USP42: variants seen among roughly 807,000 people sequenced by gnomAD.
USP42 encodes the protein ubiquitin carboxyl-terminal hydrolase 42.
A neutral mutation model predicts 113.0 loss-of-function variants in USP42; 23 were observed. That is an observed-to-expected ratio of 0.20 (90% confidence interval 0.15 to 0.29). The LOEUF is 0.29. Among genes scored for constraint, USP42 ranks in the 10% least tolerant of loss-of-function variants. The pLI, the probability that USP42 is intolerant of heterozygous loss-of-function variation, is 1.00. For missense variants in USP42, 2,174 were observed against 1,779.8 expected (o/e 1.22, Z -3.99); for synonymous variants, 933 against 699.0 (o/e 1.33, Z -5.28).
Position 6,154,935 on chromosome 7 carries a change from G to A in USP42, c.3381G>A (p.Pro1127=), listed in dbSNP as rs1263106653. ...PRAGAPHALA[P]HPDRFSHDRT... ...CAGGCGCGCCCCACGCCCTCGCCCC[G>A]CACCCCGACCGCTTCTCCCACGACA... is the stretch of plus-strand genomic sequence containing the variant. The change falls in exon 15 of 18, where the codon CCG becomes CCA. Residue 1127 remains proline, a synonymous_variant. Transcript: ENST00000306177. The A allele has an allele frequency of 2.6e-6, 4 of 1,551,606 alleles. No individual in the cohort carries two copies. Among genetic ancestry groups the A allele is most frequent in the East Asian group, 4.9e-5 (2 of 40,990 alleles).
Position 6,153,914 on chromosome 7 carries a change from A to C in USP42, c.2360A>C (p.Lys787Thr). The part of the protein sequence containing the change: ...PPRDPGTPAT[K>T]EGAWEAMAVA... ...CGCGATCCCGGCACCCCCGCTACCAAAGAAGGCGCCTGGGAGGCCATGGCC... is the reference window on the plus strand; with the variant it reads ...CGCGATCCCGGCACCCCCGCTACCACAGAAGGCGCCTGGGAGGCCATGGCC... Residue 787 changes from lysine to threonine, a missense_variant, in exon 15 of 18, where the codon AAA becomes ACA. Transcript: ENST00000306177. 1 of 1,600,282 alleles carries C rather than the reference A, an allele frequency of 6.2e-7. No homozygotes were observed. Among genetic ancestry groups the C allele is most frequent in the South Asian group, 1.1e-5 (1 of 90,092 alleles).
intron 3 of USP42, chr7:6,128,253 C>T (rs1386355263): frequency 6.7e-6 from 1 of 149,024 alleles, no homozygotes; most frequent in Non-Finnish European, 1.5e-5. Context: ...GTGCCTGGCC[C>T]TGCTTTTTTT....
Position 6,144,091 on chromosome 7 carries a change from A to G in USP42, c.885A>G (p.Lys295=). ...TGTTTCTGTTTGTTTCAAGGTGTAA[A>G]AAGATGGTTCCAGCTTCAAAGAGGT... ...GENSYKCSKC[K]KMVPASKRFT... Residue 295 remains lysine, a synonymous_variant, in exon 9 of 18, where the codon AAA becomes AAG. Transcript: ENST00000306177. 1 of 1,562,090 alleles carries G rather than the reference A, an allele frequency of 6.4e-7. No individual in the cohort carries two copies. Among genetic ancestry groups the G allele is most frequent in the Non-Finnish European group, 8.6e-7 (1 of 1,161,800 alleles).
At position 6,144,247 on chromosome 7, in the gene USP42, T is replaced by G. The variant is rs957710347; in HGVS notation, c.990+51T>G. On this transcript the variant is annotated intron_variant, in intron 9 of 17. Coordinates refer to ENST00000306177, the MANE Select transcript of USP42 (RefSeq NM_032172.3). ...GTTTTATGTCGAGCCTTTCGAAGCTTAACGTGTCTGTAGCTATTAAGGATT... is the reference window on the plus strand; with the variant it reads ...GTTTTATGTCGAGCCTTTCGAAGCTGAACGTGTCTGTAGCTATTAAGGATT... 3.2e-6 allele frequency: 4 copies of G among 1,255,008 alleles called. No homozygotes were observed. In the Admixed American group the frequency reaches 9.5e-5, roughly 30 times the overall value. The allele number at this position is 1,255,008 out of a possible 1,614,324, so 77.7% of individuals were successfully genotyped here.
intron 3 of USP42, among the ~76,000 whole-genome samples, chr7:6,126,444 C>T (rs1051467244): frequency 6.6e-6 from 1 of 152,188 alleles, no homozygotes; most frequent in Admixed American, 6.5e-5. Context: ...ACCACCACGC[C>T]TGGCTAATTT....
chr7:6,156,627 T>G, intron 15 of USP42, 127 bp from the exon 16 acceptor site: 3 of 1,370,216 alleles, frequency 2.2e-6, no homozygotes, highest in Non-Finnish European at 2.8e-6. Context: ...CGTGGCTAAT[T>G]AGATAAGAAT....
chr7:6,106,237 A>C (rs569105015), intron 1 of USP42, among the ~76,000 whole-genome samples: 1 of 152,326 alleles, frequency 6.6e-6, no homozygotes, highest in South Asian at 2.1e-4. Context: ...AATTAAGACG[A>C]AGGTTTTGTC....
chr7:6,118,902 G>C (rs1562810410), intron 3 of USP42, among the ~76,000 whole-genome samples: 1 of 152,042 alleles, frequency 6.6e-6, no homozygotes, highest in Admixed American at 6.6e-5. Flanking sequence ...GTAACACAAT[G>C]TTTTGATTAC....
chr7:6,110,901 A>C (rs572542304), intron 1 of USP42, among the ~76,000 whole-genome samples: 1 of 152,206 alleles, frequency 6.6e-6, no homozygotes. Context: ...TACTTCACTG[A>C]AGATTTTAAA....
chr7:6,141,201 C>CTTTTTT (rs903124477), intron 7 of USP42, among the ~76,000 whole-genome samples: 242 of 123,912 alleles, frequency 2.0e-3, no homozygotes, highest in East Asian at 3.7e-3. Context: ...TTTTTCTTTT[C>CTTTTTT]TTTTTTTTTT....
intron 6 of USP42, 78 bp downstream of exon 6, chr7:6,140,273 C>T: frequency 7.5e-7 from 1 of 1,339,578 alleles, no homozygotes. Flanking sequence ...AGGGTTAGTC[C>T]TACTAGGAAG....
At chr7:6,088,581 C>G in the USP42 span, among the ~76,000 whole-genome samples, 1 of 151,184 alleles carries the variant, frequency 6.6e-6, no homozygotes, top group East Asian at 1.9e-4. Context: ...CTCTTATTGA[C>G]AATCCTTCTT....
At chr7:6,093,188 T>C in the USP42 span, 3 of 126,758 alleles carry the variant, frequency 2.4e-5, no homozygotes, top group South Asian at 8.4e-4. Context: ...CCTCTCTCCC[T>C]TCCTTCCTTC....
intron 1 of USP42, among the ~76,000 whole-genome samples, chr7:6,106,240 G>C (rs187571959): frequency 1.3e-5 from 2 of 152,162 alleles, no homozygotes; most frequent in Non-Finnish European, 2.9e-5. Flanking sequence ...TAAGACGAAG[G>C]TTTTGTCTTT....
chr7:6,092,017 CTTCT>C, the USP42 span, among the ~76,000 whole-genome samples: 4 of 104,636 alleles, frequency 3.8e-5, no homozygotes, highest in Admixed American at 3.2e-4. Context: ...TCTTCTTCTT[CTTCT>C]TCTTCTTCTT....
chr7:6,155,302 G>C (rs1158150286), intron 15 of USP42, 107 bp downstream of exon 15: 7 of 1,422,014 alleles, frequency 4.9e-6, no homozygotes, highest in East Asian at 2.5e-5. Context: ...GGCCACAGTT[G>C]TATCCGTCTG....
the USP42 span, among the ~76,000 whole-genome samples, chr7:6,084,902 A>G: frequency 7.3e-4 from 110 of 150,158 alleles, 10 homozygotes; most frequent in African/African-American, 2.6e-3. Flanking sequence ...CATTTTTAGT[A>G]TAGATGGGGT....
At chr7:6,123,832 CA>C (rs34032326) in intron 3 of USP42, among the ~76,000 whole-genome samples, 8,128 of 72,696 alleles carry the variant, frequency 0.11, 390 homozygotes, top group African/African-American at 0.2. Flanking sequence ...GACCCTGTCT[CA>C]AAAAAAAAAA....
intron 11 of USP42, among the ~76,000 whole-genome samples, 180 bp downstream of exon 11, chr7:6,146,428 G>C (rs1391294491): frequency 1.3e-5 from 2 of 152,018 alleles, no homozygotes; most frequent in African/African-American, 4.8e-5. Flanking sequence ...GGGCGGCCAA[G>C]ATGGAAGGAT....
Sources: gnomAD v4.1 joint callset for allele counts (sites outside exome capture counted in the v4.1 genomes callset) on GRCh38, gnomAD v4.1.1 for gene constraint, MANE v1.5 for transcripts, NCBI Gene and HGNC (gene_info 2026-07-23, HGNC 2026-07-21) for gene names.